Variants in PLEKHA4 observed in about 807,000 individuals in gnomAD.
PLEKHA4 encodes the protein pleckstrin homology domain containing A4, also known as pleckstrin homology domain-containing family A member 4.
In PLEKHA4, 73 loss-of-function variants were observed where a neutral mutation model predicts 94.7. The ratio of observed to expected loss-of-function variants is 0.77; its 90% confidence interval spans 0.64 to 0.94. The LOEUF (loss-of-function observed/expected upper bound fraction) is 0.94, where lower values mean the gene tolerates loss of function less well. PLEKHA4 is among the 40% of genes least tolerant of loss of function. The pLI is 0.00. For missense variants in PLEKHA4, 1,049 were observed against 1,054.1 expected, an observed-to-expected ratio of 1.00 and a Z score of 0.07; for synonymous variants, 449 against 437.1, an observed-to-expected ratio of 1.03 and a Z score of -0.34.
intron 7 of PLEKHA4, 94 bp from the exon 8 acceptor site, chr19:48,859,233 T>G: frequency 9.5e-7 from 1 of 1,056,402 alleles, no homozygotes. Flanking sequence ...CATGTCTCAC[T>G]TCACTGTGTC....
chr19:48,854,123 G>A, intron 10 of PLEKHA4, 36 bp from the exon 11 acceptor site: 1 of 1,613,840 alleles, frequency 6.2e-7, no homozygotes, highest in East Asian at 2.2e-5. Context: ...TGATGGTCCA[G>A]ATCTGGCTCT....
chr19:48,861,729 G>A (rs1312317939), intron 3 of PLEKHA4, 37 bp from the exon 4 acceptor site: 1 of 1,571,224 alleles, frequency 6.4e-7, no homozygotes, highest in Non-Finnish European at 8.8e-7. Context: ...CTGAGTAAAG[G>A]GAAACAGAAA....
At position 48,846,274 on chromosome 19, in the gene PLEKHA4, C is replaced by T. The variant is rs1386076061; in HGVS notation, c.1567-658G>A. Among the ~76,000 whole-genome samples the T allele has an allele frequency of 4.0e-5, 6 of 150,954 alleles. 1 individual carries two copies. In the South Asian group the frequency reaches 6.3e-4, roughly 16 times the overall value. On this transcript the variant is annotated intron_variant, in intron 14 of 19. Transcript: ENST00000263265. ...CATCCTGGCTAAAACGGTGAAACCC[C>T]GTCTCTACTAAAAATACAAAAAAAA...
chr19:48,861,066 G>A (rs1056967735), intron 5 of PLEKHA4, among the ~76,000 whole-genome samples: 5 of 152,102 alleles, frequency 3.3e-5, no homozygotes, highest in Non-Finnish European at 7.4e-5. Flanking sequence ...AAATTAGCCA[G>A]GCGTGGTGGC....
At chr19:48,863,210 A>G (rs1220218779) in intron 3 of PLEKHA4, among the ~76,000 whole-genome samples, 1 of 152,176 alleles carries the variant, frequency 6.6e-6, no homozygotes, top group Non-Finnish European at 1.5e-5. Flanking sequence ...AACACTTGAA[A>G]TTCAGTCTCA....
intron 16 of PLEKHA4, among the ~76,000 whole-genome samples, chr19:48,843,437 C>T (rs1382433825): frequency 6.6e-6 from 1 of 151,972 alleles, no homozygotes; most frequent in Admixed American, 6.6e-5. Flanking sequence ...CCTTGGCCTC[C>T]CAAAGTGCTG....
chr19:48,845,490 A>T, intron 15 of PLEKHA4, 27 bp downstream of exon 15: 1 of 1,613,624 alleles, frequency 6.2e-7, no homozygotes, highest in Non-Finnish European at 8.5e-7. Context: ...GAATTTCCGT[A>T]AAGTCCCACC....
intron 3 of PLEKHA4, 53 bp downstream of exon 3, chr19:48,865,450 G>T: frequency 7.1e-7 from 1 of 1,402,350 alleles, no homozygotes; most frequent in South Asian, 1.2e-5. Context: ...GAGAGACAGA[G>T]GACAGCCGGG....
At chr19:48,855,670 T>C (rs570783173) in intron 9 of PLEKHA4, among the ~76,000 whole-genome samples, 2 of 151,974 alleles carry the variant, frequency 1.3e-5, no homozygotes, top group Admixed American at 6.6e-5. Context: ...ATGCCTGTAG[T>C]CTCAGCTACT....
At position 48,853,939 on chromosome 19, in the gene PLEKHA4, C is replaced by T. The variant is rs1568545220; in HGVS notation, c.1176+68G>A. 8.1e-6 allele frequency: 13 copies of T among 1,598,848 alleles called. 1 individual carries two copies. Among genetic ancestry groups the T allele is most frequent in the East Asian group, 4.5e-5 (2 of 44,716 alleles). ...GACGTCCAGTCAGCATCCTGACTTCCGCATTCAGGAAGGGCTCAGGGCAGG... is the reference window on the plus strand; with the variant it reads ...GACGTCCAGTCAGCATCCTGACTTCTGCATTCAGGAAGGGCTCAGGGCAGG... On this transcript the variant is annotated intron_variant, in intron 11 of 19. Transcript: ENST00000263265.
At position 48,865,551 on chromosome 19, in the gene PLEKHA4, C is replaced by T. The variant is rs1440516666; in HGVS notation, c.144G>A (p.Arg48=). The T allele has an allele frequency of 2.5e-6, 4 of 1,613,954 alleles. No homozygotes were observed. The African/African-American group carries it at 5.3e-5, about 22-fold the overall frequency. Residue 48 remains arginine, a synonymous_variant, in exon 3 of 20, where the codon AGG becomes AGA. Transcript: ENST00000263265. ...HAFGKRGNAL[R]RDPNLPVHIR... is the part of the protein sequence containing the mutation. The stretch of plus-strand genomic sequence containing the variant: ...TGTGCACGGGAAGGTTGGGATCCCT[C>T]CTGAGCGCATTGCCTCTCTTCCCAA...
chr19:48,865,629 A>G lies in PLEKHA4; in HGVS notation c.85-19T>C. On this transcript the variant is annotated intron_variant, in intron 2 of 19. Transcript: ENST00000263265. ...TGGGCTTCTGAGGAGAGAAGGGGACAGAAGTGAACAGGGAGAGCCTAGGAT... is the reference window on the plus strand; with the variant it reads ...TGGGCTTCTGAGGAGAGAAGGGGACGGAAGTGAACAGGGAGAGCCTAGGAT... The G allele has an allele frequency of 1.3e-6, 2 of 1,552,846 alleles. No individual in the cohort carries two copies. Among genetic ancestry groups the G allele is most frequent in the Non-Finnish European group, 8.9e-7 (1 of 1,125,838 alleles).
At chr19:48,856,851 A>C (rs898289114) in intron 9 of PLEKHA4, among the ~76,000 whole-genome samples, 22 of 143,436 alleles carry the variant, frequency 1.5e-4, no homozygotes, top group Admixed American at 4.2e-4. Flanking sequence ...GTGAGCCGAG[A>C]TCGCACCACT....
At chr19:48,838,866 T>C (rs2035645383) in intron 18 of PLEKHA4, among the ~76,000 whole-genome samples, 1 of 151,936 alleles carries the variant, frequency 6.6e-6, no homozygotes, top group Non-Finnish European at 1.5e-5. Context: ...GGAGTTGTAG[T>C]TCCTAGCACG....
At chr19:48,847,695 G>A (rs1372131940) in intron 14 of PLEKHA4, among the ~76,000 whole-genome samples, 1 of 152,150 alleles carries the variant, frequency 6.6e-6, no homozygotes, top group African/African-American at 2.4e-5. Context: ...TTGCACCACT[G>A]GACTCCAGCC....
At chr19:48,862,063 G>A (rs1335659838) in intron 3 of PLEKHA4, among the ~76,000 whole-genome samples, 1 of 151,936 alleles carries the variant, frequency 6.6e-6, no homozygotes, top group East Asian at 1.9e-4. Flanking sequence ...GGAGTGGGGT[G>A]GAGGCACAGG....
At chr19:48,849,428 C>T (rs2036098605) in intron 13 of PLEKHA4, among the ~76,000 whole-genome samples, 1 of 152,114 alleles carries the variant, frequency 6.6e-6, no homozygotes, top group South Asian at 2.1e-4. Flanking sequence ...CCTGCCTCAG[C>T]CTCCTGAGTA....
intron 12 of PLEKHA4, 53 bp downstream of exon 12, chr19:48,853,629 C>G: frequency 7.0e-7 from 1 of 1,432,602 alleles, no homozygotes; most frequent in Non-Finnish European, 9.1e-7. Flanking sequence ...TTCGTAACGA[C>G]TTGCATAGTC....
At chr19:48,848,411 G>A (rs947598430) in intron 13 of PLEKHA4, among the ~76,000 whole-genome samples, 2 of 148,322 alleles carry the variant, frequency 1.3e-5, no homozygotes, top group African/African-American at 2.5e-5. Flanking sequence ...GCGTGAACCC[G>A]GGAGGCGGAG....
Sources: allele counts gnomAD v4.1 joint callset (sites outside exome capture counted in the v4.1 genomes callset), GRCh38; gene constraint gnomAD v4.1.1; transcripts MANE v1.5; gene names NCBI Gene and HGNC (gene_info 2026-07-23, HGNC 2026-07-21).